Variants in PABPC4 observed in about 807,000 individuals in gnomAD.
PABPC4 encodes the protein poly(A) binding protein cytoplasmic 4, also known as polyadenylate-binding protein 4.
PABPC4 carries 15 observed loss-of-function variants against 74.5 expected under a neutral mutation model. That is an observed-to-expected ratio of 0.20 (90% CI 0.13 to 0.31). PABPC4 has a LOEUF of 0.31. Among genes scored for constraint, PABPC4 ranks in the 10% least tolerant of loss-of-function variants. The probability of loss-of-function intolerance (pLI) is 1.00; values close to 1 mark genes in which losing one functional copy is unlikely to be tolerated. For missense variants in PABPC4, 610 were observed against 853.5 expected (o/e 0.71, Z 3.55); for synonymous variants, 345 against 303.0 (o/e 1.14, Z -1.44).
At chr1:39,564,270 C>T in intron 10 of PABPC4, 153 bp downstream of exon 10, 2 of 789,328 alleles carry the variant, frequency 2.5e-6, no homozygotes, top group Non-Finnish European at 4.0e-6. Flanking sequence ...TACTGTTTCT[C>T]TGCTCCTGAA....
chr1:39,564,835 C>G lies in PABPC4; in HGVS notation c.1246-62G>C, dbSNP rs1645812784. 3.2e-6 allele frequency: 4 copies of G among 1,248,750 alleles called. No individual in the cohort carries two copies. In the South Asian group the frequency reaches 4.9e-5, roughly 15 times the overall value. The allele number at this position is 1,248,750 out of a possible 1,614,324, so 77.4% of individuals were successfully genotyped here. A position where few individuals can be genotyped will look rare whatever the true frequency, so the allele number is the denominator to read the frequency against. On this transcript the variant is annotated intron_variant, in intron 8 of 15. Transcript: ENST00000372858. ...GACTGAACCCATCCTAGAGAAGTAT[C>G]TCATCTCATCTCACTAACCAGGACC...
intron 13 of PABPC4, 41 bp from the exon 14 acceptor site, chr1:39,562,244 A>T: frequency 1.2e-6 from 2 of 1,613,606 alleles, no homozygotes; most frequent in South Asian, 1.1e-5. Context: ...ATCAAATCCC[A>T]GTAAACAATG....
At position 39,563,641 on chromosome 1, in the gene PABPC4, G is replaced by A. The variant is rs1645794098; in HGVS notation, c.1641C>T (p.Ser547=). 2.5e-6 allele frequency: 4 copies of A among 1,614,088 alleles called. No individual in the cohort carries two copies. In the African/African-American group the frequency reaches 4.0e-5, roughly 16 times the overall value. Residue 547 remains serine, a synonymous_variant, in exon 12 of 16, where the codon AGC becomes AGT. Coordinates refer to ENST00000372858, the MANE Select transcript of PABPC4 (RefSeq NM_001135653.2). ...APYKYASSVR[S]PHPAIQPLQA... ...GCAGAGGCTGTATGGCAGGATGAGG[G>A]CTGCGGACACTGGAGGCGTATTTGT...
At chr1:39,564,660 G>GT (rs757332570) in intron 9 of PABPC4, 26 bp downstream of exon 9, 33 of 1,611,354 alleles carry the variant, frequency 2.0e-5, no homozygotes, top group African/African-American at 2.7e-5. Context: ...ATCCTGGGCT[G>GT]TCAATTACTG....
In PABPC4 at chr1:39,564,352, A is replaced by G. The variant is rs1330521465; in HGVS notation, c.1453+71T>C. 10 of 1,577,654 alleles carry G rather than the reference A, an allele frequency of 6.3e-6. No individual in the cohort carries two copies. In the African/African-American group the frequency reaches 1.2e-4, roughly 19 times the overall value. On this transcript the variant is annotated intron_variant, in intron 10 of 15. Coordinates refer to ENST00000372858, the MANE Select transcript of PABPC4 (RefSeq NM_001135653.2). Reference sequence around the variant, plus strand: ...AAATTCGAGCCCAACAAACTGACCAACCCAGGACAGAGCCTAGTCATCCTG... The same window carrying G: ...AAATTCGAGCCCAACAAACTGACCAGCCCAGGACAGAGCCTAGTCATCCTG...
chr1:39,567,507 GCT>G (rs1645865985), intron 7 of PABPC4: 2 of 621,634 alleles, frequency 3.2e-6, no homozygotes, highest in African/African-American at 1.8e-5. Flanking sequence ...AGATTCAGGT[GCT>G]CTGAGTTGGC....
rs1441786121 is a variant in PABPC4 at position 39,566,091 on chromosome 1, TAA to T, written c.973-715_973-714del. Among the ~76,000 whole-genome samples the T allele has an allele frequency of 2.0e-5, 3 of 152,126 alleles. No individual in the cohort carries two copies. The East Asian group carries it at 5.8e-4, about 29-fold the overall frequency. ...TTTTCTTTGAGTCCCCAGGTGATGC[TAA>T]AGTTCTGAAACACTATGATATGGCT... is the stretch of plus-strand genomic sequence containing the variant. On this transcript the variant is annotated intron_variant, in intron 7 of 15. Transcript: ENST00000372858.
intron 3 of PABPC4, chr1:39,570,967 AG>A (rs1478829039): frequency 4.7e-6 from 5 of 1,068,908 alleles, no homozygotes; most frequent in Non-Finnish European, 6.3e-6. Flanking sequence ...AGCCAGCCCC[AG>A]TTGTTGATGC....
chr1:39,564,262 CT>C (rs1431109210), intron 10 of PABPC4, 160 bp downstream of exon 10: 2 of 745,606 alleles, frequency 2.7e-6, no homozygotes, highest in African/African-American at 3.5e-5. Flanking sequence ...AGAACTCATA[CT>C]GTTTCTCTGC....
chr1:39,575,744 A>C lies in PABPC4; in HGVS notation c.193+15T>G, dbSNP rs749075267. 1.9e-6 allele frequency: 3 copies of C among 1,562,810 alleles called. No individual in the cohort carries two copies. Among genetic ancestry groups the C allele is most frequent in the South Asian group, 2.3e-5 (2 of 86,586 alleles). ...TCCGGGCTCCCACGCACGTGTGGGC[A>C]CAGCTTCTACTCACCGTCGGCCGGC... On this transcript the variant is annotated intron_variant, in intron 1 of 15. Transcript: ENST00000372858.
Position 39,562,193 on chromosome 1 carries a change from C to T in PABPC4, c.1773G>A (p.Leu591=), listed in dbSNP as rs781310791. The change falls in exon 14 of 16, where the codon TTG becomes TTA. Residue 591 remains leucine (L), a synonymous_variant. Coordinates refer to ENST00000372858, the MANE Select transcript of PABPC4 (RefSeq NM_001135653.2). ...AATGCATTGTTTGGATGAGTGGGAA[C>T]AAGCGTTCTCCTATGGGGAGGATAG... ...QEQKQMLGER[L]FPLIQTMHSN... 1.2e-6 allele frequency: 2 copies of T among 1,614,224 alleles called. No individual in the cohort carries two copies. Among genetic ancestry groups the T allele is most frequent in the South Asian group, 1.1e-5 (1 of 91,086 alleles).
In PABPC4 at chr1:39,560,826, ATTT is replaced by A. The variant is rs749116568; in HGVS notation, c.*307_*309del. On this transcript the variant is annotated 3_prime_UTR_variant, in exon 16 of 16. Coordinates refer to ENST00000372858, the MANE Select transcript of PABPC4 (RefSeq NM_001135653.2). The stretch of plus-strand genomic sequence containing the variant: ...CAGAGACAGAGGCAGTTTTATGGAG[ATTT>A]TTTTTCTTTATTGGGAAACGTAAGA... 2 of 170,364 alleles carry A rather than the reference ATTT, an allele frequency of 1.2e-5. No homozygotes were observed. The highest frequency in any genetic ancestry group is 4.8e-5 in the African/African-American group (2 of 42,064). 10.6% of individuals were successfully genotyped at this position (170,364 alleles called of 1,614,324 possible).
At chr1:39,575,393 T>C (rs1646009388) in intron 1 of PABPC4, among the ~76,000 whole-genome samples, 1 of 152,202 alleles carries the variant, frequency 6.6e-6, no homozygotes, top group Non-Finnish European at 1.5e-5. Context: ...TCCCGCCTTT[T>C]TGGCCAGCCT....
intron 6 of PABPC4, 63 bp downstream of exon 6, chr1:39,568,739 A>AG: frequency 6.7e-7 from 1 of 1,486,172 alleles, no homozygotes; most frequent in Non-Finnish European, 9.3e-7. Context: ...CGCTAAACAT[A>AG]GGGGTGTTCT....
chr1:39,571,476 A>AT (rs1645939030), intron 2 of PABPC4, 127 bp from the exon 3 acceptor site: 1 of 1,068,230 alleles, frequency 9.4e-7, no homozygotes, highest in African/African-American at 1.6e-5. Flanking sequence ...GTACACCAGT[A>AT]TAATTTTTCT....
At chr1:39,561,958 C>T (rs142557682) in intron 14 of PABPC4, 115 bp downstream of exon 14, 12 of 1,290,026 alleles carry the variant, frequency 9.3e-6, no homozygotes, top group Middle Eastern at 2.2e-4. Flanking sequence ...CAAGGCATGA[C>T]GAGAGGGGTC....
At chr1:39,563,952 G>A in intron 10 of PABPC4, 30 bp from the exon 11 acceptor site, 1 of 1,603,446 alleles carries the variant, frequency 6.2e-7, no homozygotes. Context: ...GCACATCAGT[G>A]TTGGCGGCAG....
intron 2 of PABPC4, among the ~76,000 whole-genome samples, chr1:39,571,980 C>T (rs1645948284): frequency 6.6e-6 from 1 of 152,194 alleles, no homozygotes; most frequent in South Asian, 2.1e-4. Flanking sequence ...TGTAGTATGG[C>T]ATTAAACATA....
chr1:39,568,649 T>G (rs1645889731), intron 6 of PABPC4, 153 bp downstream of exon 6: 2 of 662,324 alleles, frequency 3.0e-6, no homozygotes, highest in African/African-American at 3.7e-5. Context: ...TCATATGTAG[T>G]AGGTATATAT....
Sources: allele counts gnomAD v4.1 joint callset (sites outside exome capture counted in the v4.1 genomes callset), GRCh38; gene constraint gnomAD v4.1.1; transcripts MANE v1.5; gene names NCBI Gene and HGNC (gene_info 2026-07-23, HGNC 2026-07-21).